Variants in STAC observed in about 807,000 individuals in gnomAD.
STAC encodes the protein SH3 and cysteine rich domain, also known as SH3 and cysteine-rich domain-containing protein.
Under a neutral mutation model 48.8 loss-of-function variants are expected in STAC, and 43 were observed. The ratio of observed to expected loss-of-function variants is 0.88; its 90% CI spans 0.69 to 1.14. The LOEUF (loss-of-function observed/expected upper bound fraction) is 1.14, where lower values mean the gene tolerates loss of function less well. Among genes scored for constraint, STAC ranks in the 50% most tolerant of loss-of-function variants. The probability of loss-of-function intolerance (pLI) is 0.00; values close to 1 mark genes in which losing one functional copy is unlikely to be tolerated. For synonymous variants in STAC, 193 were observed against 179.5 expected, an observed-to-expected ratio of 1.07 and a Z score of -0.60; for missense variants, 497 against 504.0, an observed-to-expected ratio of 0.99 and a Z score of 0.13.
At chr3:36,396,122 C>A (rs888694308) in intron 1 of STAC, among the ~76,000 whole-genome samples, 32 of 152,098 alleles carry the variant, frequency 2.1e-4, no homozygotes, top group African/African-American at 7.5e-4. Flanking sequence ...ACAATGGGAG[C>A]CCCACCCTGG....
chr3:36,384,638 C>G (rs1699578547), intron 1 of STAC, among the ~76,000 whole-genome samples: 1 of 152,092 alleles, frequency 6.6e-6, no homozygotes, highest in South Asian at 2.1e-4. Flanking sequence ...TTTAGTTATG[C>G]TAATTGATTA....
chr3:36,453,538 G>A (rs1441187882), intron 2 of STAC, among the ~76,000 whole-genome samples: 1 of 152,214 alleles, frequency 6.6e-6, no homozygotes, highest in East Asian at 1.9e-4. Context: ...CTGCCTTCCC[G>A]CGGGGCAGGG....
chr3:36,485,115 T>A (rs1697769625), intron 4 of STAC, 57 bp downstream of exon 4: 3 of 1,447,308 alleles, frequency 2.1e-6, no homozygotes, highest in Non-Finnish European at 2.8e-6. Flanking sequence ...TTAACATTAA[T>A]GGCTACTGTC....
At chr3:36,474,181 A>G (rs1416766679) in intron 2 of STAC, among the ~76,000 whole-genome samples, 1 of 152,160 alleles carries the variant, frequency 6.6e-6, no homozygotes, top group African/African-American at 2.4e-5. Context: ...ATTCCTGTTC[A>G]CATTTGTCAA....
chr3:36,447,297 G>T (rs1178910768), intron 2 of STAC, among the ~76,000 whole-genome samples: 1 of 152,080 alleles, frequency 6.6e-6, no homozygotes, highest in East Asian at 1.9e-4. Context: ...TGAGTCATTG[G>T]CTGCCAACAC....
intron 10 of STAC, among the ~76,000 whole-genome samples, chr3:36,539,839 G>T (rs906283834): frequency 6.6e-6 from 1 of 152,070 alleles, no homozygotes; most frequent in Non-Finnish European, 1.5e-5. Flanking sequence ...TAATAGTCTT[G>T]GTCCTTTTAT....
chr3:36,457,827 C>T (rs554273468), intron 2 of STAC, among the ~76,000 whole-genome samples: 108 of 152,266 alleles, frequency 7.1e-4, no homozygotes, highest in Non-Finnish European at 1.0e-3. Flanking sequence ...AGGATGTGAA[C>T]CAGTGACCCA....
At chr3:36,522,627 C>T (rs1698833146) in intron 8 of STAC, among the ~76,000 whole-genome samples, 1 of 152,174 alleles carries the variant, frequency 6.6e-6, no homozygotes, top group Non-Finnish European at 1.5e-5. Context: ...AGACAAGACT[C>T]CTTTTCTTTG....
intron 5 of STAC, among the ~76,000 whole-genome samples, chr3:36,487,817 G>A (rs1697855969): frequency 6.6e-6 from 1 of 152,198 alleles, no homozygotes; most frequent in Non-Finnish European, 1.5e-5. Context: ...TCAAAGCAGT[G>A]AGGGGATAAT....
At chr3:36,436,328 C>T (rs1700832404) in intron 1 of STAC, among the ~76,000 whole-genome samples, 2 of 152,194 alleles carry the variant, frequency 1.3e-5, no homozygotes, top group South Asian at 4.1e-4. Context: ...TTCCACACAG[C>T]TGCTAGAGTG....
intron 5 of STAC, among the ~76,000 whole-genome samples, chr3:36,492,868 A>G (rs1166094665): frequency 6.6e-6 from 1 of 152,202 alleles, no homozygotes; most frequent in African/African-American, 2.4e-5. Context: ...ATTCCTGGGA[A>G]GAAGCCTGGC....
chr3:36,507,167 A>G (rs537020474), intron 8 of STAC, among the ~76,000 whole-genome samples: 1 of 152,272 alleles, frequency 6.6e-6, no homozygotes, highest in South Asian at 2.1e-4. Context: ...TTCTGCATCT[A>G]TTGAGACAAT....
At chr3:36,490,075 A>C (rs1697927118) in intron 5 of STAC, among the ~76,000 whole-genome samples, 1 of 152,184 alleles carries the variant, frequency 6.6e-6, no homozygotes, top group African/African-American at 2.4e-5. Flanking sequence ...TAAATTAAAA[A>C]CTAAAGTTTG....
intron 2 of STAC, among the ~76,000 whole-genome samples, chr3:36,478,501 A>G (rs1488525823): frequency 6.6e-6 from 1 of 152,054 alleles, no homozygotes; most frequent in African/African-American, 2.4e-5. Flanking sequence ...TTATTTATTT[A>G]CTTATTTTAT....
chr3:36,454,801 G>A (rs1374710663), intron 2 of STAC, among the ~76,000 whole-genome samples: 1 of 152,134 alleles, frequency 6.6e-6, no homozygotes, highest in Non-Finnish European at 1.5e-5. Context: ...GTAATTGACT[G>A]AAGTCTTATA....
chr3:36,421,165 T>C (rs559629985), intron 1 of STAC, among the ~76,000 whole-genome samples: 2 of 152,344 alleles, frequency 1.3e-5, no homozygotes, highest in African/African-American at 4.8e-5. Flanking sequence ...GTTCCACTTA[T>C]TTTTTAAAAG....
intron 2 of STAC, among the ~76,000 whole-genome samples, chr3:36,467,124 C>T (rs1165337326): frequency 6.6e-6 from 1 of 151,986 alleles, no homozygotes; most frequent in Non-Finnish European, 1.5e-5. Flanking sequence ...ATTTTTAATT[C>T]TGTTTATGTG....
At chr3:36,473,572 T>G (rs1296735695) in intron 2 of STAC, among the ~76,000 whole-genome samples, 1 of 152,180 alleles carries the variant, frequency 6.6e-6, no homozygotes, top group Non-Finnish European at 1.5e-5. Flanking sequence ...AGAGATCAAG[T>G]GCCTGGTTCA....
At chr3:36,421,761 A>G (rs1700455667) in intron 1 of STAC, among the ~76,000 whole-genome samples, 1 of 152,048 alleles carries the variant, frequency 6.6e-6, no homozygotes, top group East Asian at 1.9e-4. Context: ...AAACATACCC[A>G]CACATAACCA....
Sources: gnomAD v4.1 joint callset for allele counts (sites outside exome capture counted in the v4.1 genomes callset) on GRCh38, gnomAD v4.1.1 for gene constraint, MANE v1.5 for transcripts, NCBI Gene and HGNC (gene_info 2026-07-23, HGNC 2026-07-21) for gene names.